Variants in RAB3IL1 observed in about 807,000 individuals in gnomAD.
The protein encoded by RAB3IL1 is guanine nucleotide exchange factor for Rab-3A.
RAB3IL1 carries 37 observed loss-of-function variants against 49.2 expected under a neutral mutation model. The ratio of observed to expected loss-of-function variants is 0.75; its 90% CI spans 0.58 to 0.99. The LOEUF is 0.99. Ranked by LOEUF, RAB3IL1 falls within the 50% of genes least tolerant of loss-of-function variation. The pLI, the probability that RAB3IL1 is intolerant of heterozygous loss-of-function variation, is 0.00. For missense variants in RAB3IL1, 484 were observed against 513.0 expected (o/e 0.94, Z 0.55); for synonymous variants, 193 against 213.9 (o/e 0.90, Z 0.85).
At chr11:61,941,370 A>T in the RAB3IL1 span, among the ~76,000 whole-genome samples, 1 of 152,234 alleles carries the variant, frequency 6.6e-6, no homozygotes, top group South Asian at 2.1e-4. Flanking sequence ...ACTGTTCCAA[A>T]AAATAGAGAA....
At chr11:61,942,423 C>T in the RAB3IL1 span, among the ~76,000 whole-genome samples, 4 of 152,038 alleles carry the variant, frequency 2.6e-5, no homozygotes, top group South Asian at 2.1e-4. Flanking sequence ...TGCCAAATCC[C>T]CCTCTGTGAG....
the RAB3IL1 span, among the ~76,000 whole-genome samples, chr11:61,940,585 G>A: frequency 8.3e-4 from 127 of 152,136 alleles, no homozygotes; most frequent in African/African-American, 2.8e-3. Context: ...CCAAGAGTTC[G>A]AGACCAGCCT....
At chr11:61,907,902 G>A (rs1591228306) in intron 2 of RAB3IL1, 152 bp downstream of exon 2, 4 of 1,253,804 alleles carry the variant, frequency 3.2e-6, no homozygotes, top group Non-Finnish European at 4.4e-6. Context: ...GTGACCATCG[G>A]TGCGCCCAGT....
chr11:61,902,369 G>C (rs1330814309), intron 8 of RAB3IL1, 73 bp downstream of exon 8: 1 of 1,281,856 alleles, frequency 7.8e-7, no homozygotes, highest in Non-Finnish European at 1.1e-6. Flanking sequence ...CATACTCCCA[G>C]GCCCAGGGCC....
intron 1 of RAB3IL1, among the ~76,000 whole-genome samples, chr11:61,916,728 G>A (rs1939705891): frequency 1.3e-5 from 2 of 152,200 alleles, no homozygotes; most frequent in South Asian, 2.1e-4. Context: ...CATCAGATGG[G>A]CCAGGAACTG....
upstream of RAB3IL1, among the ~76,000 whole-genome samples, chr11:61,923,463 T>C (rs1167079922): frequency 3.3e-5 from 5 of 152,316 alleles, no homozygotes; most frequent in East Asian, 9.7e-4. Context: ...TCCGCCTGCC[T>C]GTGGTGCAGA....
rs548770844 is a variant in RAB3IL1 at position 61,917,548 on chromosome 11, C to T, written c.-181G>A. ...TCGCGGCCCCCAGCCCAGCCCCGAC[C>T]CTGCCCTGGGCGGGTCACGTGGCGG... On this transcript the variant is annotated 5_prime_UTR_variant, in exon 1 of 10. Transcript: ENST00000394836. The T allele has an allele frequency of 9.1e-7, 1 of 1,104,866 alleles. No individual in the cohort carries two copies. The highest frequency in any genetic ancestry group is 1.7e-5 in the African/African-American group (1 of 60,036). 68.4% of individuals were successfully genotyped at this position (1,104,866 alleles called of 1,614,324 possible).
At chr11:61,916,345 CA>C (rs1209270016) in intron 1 of RAB3IL1, among the ~76,000 whole-genome samples, 213 of 136,932 alleles carry the variant, frequency 1.6e-3, no homozygotes, top group South Asian at 2.1e-3. Flanking sequence ...GACTCCGTCT[CA>C]AAAAAAAAAA....
chr11:61,914,867 AAC>A (rs1426833493), intron 1 of RAB3IL1, among the ~76,000 whole-genome samples: 2 of 152,174 alleles, frequency 1.3e-5, no homozygotes, highest in African/African-American at 4.8e-5. Context: ...TTCTAGGATC[AAC>A]AGTCCCAAAT....
At chr11:61,929,380 C>CT in the RAB3IL1 span, among the ~76,000 whole-genome samples, 1 of 151,874 alleles carries the variant, frequency 6.6e-6, no homozygotes, top group African/African-American at 2.4e-5. Flanking sequence ...TGGCATGCGC[C>CT]TATTGTCCCA....
the RAB3IL1 span, among the ~76,000 whole-genome samples, chr11:61,936,395 T>A: frequency 6.6e-6 from 1 of 152,034 alleles, no homozygotes; most frequent in East Asian, 1.9e-4. Flanking sequence ...AAAAAGAGAA[T>A]CTTGATTTTT....
At chr11:61,926,086 C>T in the RAB3IL1 span, among the ~76,000 whole-genome samples, 1 of 100,436 alleles carries the variant, frequency 1.0e-5, no homozygotes, top group South Asian at 3.6e-4. Flanking sequence ...TGTAAAGCTG[C>T]TTTATGCTCC....
At chr11:61,920,656 G>C (rs575275532), upstream of RAB3IL1, among the ~76,000 whole-genome samples, 34 of 152,376 alleles carry the variant, frequency 2.2e-4, no homozygotes, top group African/African-American at 8.2e-4. Flanking sequence ...GGGCGCGGAG[G>C]CTCACGCCTG....
rs1325482756 is a variant in RAB3IL1, at chr11:61,906,934, G to A, written c.439-250C>T. On this transcript the variant is annotated intron_variant, in intron 4 of 9. Coordinates refer to ENST00000394836, the MANE Select transcript of RAB3IL1 (RefSeq NM_013401.4). The surrounding 1 kb of genome is among the most constrained non-coding windows in gnomAD (Gnocchi z 4.6). ...GAGCAGGATTCTGTTAGGAACAAGT[G>A]TCTGGGAGCTGGCTGGGCCTCCCAT... 6.6e-6 allele frequency among the ~76,000 whole-genome samples: 1 copy of A among 152,232 alleles called. No individual in the cohort carries two copies. Among genetic ancestry groups the A allele is most frequent in the Non-Finnish European group, 1.5e-5 (1 of 68,034 alleles).
chr11:61,898,242 C>A lies in RAB3IL1; in HGVS notation c.*36G>T, dbSNP rs760733558. On this transcript the variant is annotated 3_prime_UTR_variant, in exon 10 of 10. Transcript: ENST00000394836. The surrounding 1 kb of genome is among the most constrained non-coding windows in gnomAD (Gnocchi z 5.1). ...GCTTGTTCTGGGGTGGGTGTTTGCT[C>A]TGTCTCAGAGCTCCCCTTCAGGCCT... 8 of 1,595,698 alleles carry A rather than the reference C, an allele frequency of 5.0e-6. No individual in the cohort carries two copies. The highest frequency in any genetic ancestry group is 2.7e-5 in the African/African-American group (2 of 74,820).
the RAB3IL1 span, among the ~76,000 whole-genome samples, chr11:61,932,144 G>A: frequency 1.3e-4 from 19 of 151,938 alleles, no homozygotes; most frequent in African/African-American, 1.9e-4. Flanking sequence ...CCAGCTACTC[G>A]GGAGGCTGAG....
chr11:61,904,774 G>A lies in RAB3IL1; in HGVS notation c.766C>T (p.Leu256=). The change falls in exon 6 of 10, where the codon CTG becomes TTG. Residue 256 remains leucine (L), a synonymous_variant. Transcript: ENST00000394836. The part of the protein sequence containing the change: ...RVYREDVGPC[L]DFTMQELSVL... Reference sequence around the variant, plus strand: ...CTCACCTCCTGCATTGTGAAGTCCAGGCAGGGGCCCACGTCCTCTCGGTAC... The same window carrying A: ...CTCACCTCCTGCATTGTGAAGTCCAAGCAGGGGCCCACGTCCTCTCGGTAC... 2 of 1,607,210 alleles carry A rather than the reference G, an allele frequency of 1.2e-6. No homozygotes were observed. Among genetic ancestry groups the A allele is most frequent in the East Asian group, 2.2e-5 (1 of 44,676 alleles).
chr11:61,926,517 T>G, the RAB3IL1 span, among the ~76,000 whole-genome samples: 1 of 152,182 alleles, frequency 6.6e-6, no homozygotes, highest in Admixed American at 6.5e-5. Flanking sequence ...CCCTCATGAA[T>G]GGCTTGGTGC....
the RAB3IL1 span, among the ~76,000 whole-genome samples, chr11:61,941,623 G>A: frequency 6.6e-6 from 1 of 152,062 alleles, no homozygotes; most frequent in Non-Finnish European, 1.5e-5. Context: ...GTGGTGGCAG[G>A]CACCTGTAGT....
Sources: allele counts gnomAD v4.1 joint callset (sites outside exome capture counted in the v4.1 genomes callset), GRCh38; gene constraint gnomAD v4.1.1; non-coding constraint Gnocchi (gnomAD v3.1); transcripts MANE v1.5; gene names NCBI Gene and HGNC (gene_info 2026-07-23, HGNC 2026-07-21).